Variants in DCHS2 observed in about 807,000 individuals in gnomAD.
DCHS2 encodes dachsous cadherin-related 2, also known as protocadherin-23.
In DCHS2, 142 loss-of-function variants were observed where a neutral mutation model predicts 182.4. That is an observed-to-expected ratio of 0.78 (90% CI 0.68 to 0.89). DCHS2 has a LOEUF of 0.89. Ranked by LOEUF, DCHS2 falls within the 40% of genes least tolerant of loss-of-function variation. The pLI, the probability that DCHS2 is intolerant of heterozygous loss-of-function variation, is 0.00. For synonymous variants in DCHS2, 1,740 were observed against 1,663.3 expected, an observed-to-expected ratio of 1.05 and a Z score of -1.12; for missense variants, 4,319 against 4,198.6, an observed-to-expected ratio of 1.03 and a Z score of -0.79.
chr4:154,312,811 C>G (rs767529843), intron 10 of DCHS2, among the ~76,000 whole-genome samples: 3 of 152,164 alleles, frequency 2.0e-5, no homozygotes, highest in Admixed American at 6.5e-5. Flanking sequence ...AAATAAGTCA[C>G]CTTCTAAAGG....
chr4:154,319,265 A>G (rs1464372554), intron 9 of DCHS2, among the ~76,000 whole-genome samples: 1 of 152,164 alleles, frequency 6.6e-6, no homozygotes, highest in African/African-American at 2.4e-5. Context: ...ACAGAGGGGA[A>G]AGCTTTGTGA....
intron 4 of DCHS2, chr4:154,334,551 C>A: frequency 4.2e-6 from 1 of 236,784 alleles, no homozygotes; most frequent in Non-Finnish European, 8.2e-6. Context: ...GCATTTTTGT[C>A]AAAAATTTGT....
chr4:154,459,884 A>T (rs532029651), intron 1 of DCHS2, among the ~76,000 whole-genome samples: 2 of 152,170 alleles, frequency 1.3e-5, no homozygotes, highest in East Asian at 3.9e-4. Context: ...TACCCACTTA[A>T]CCCAACAAGT....
intron 3 of DCHS2, among the ~76,000 whole-genome samples, chr4:154,349,507 A>G (rs1729508614): frequency 6.6e-6 from 1 of 152,246 alleles, no homozygotes; most frequent in Non-Finnish European, 1.5e-5. Context: ...TATGATTTAC[A>G]GACTGTGTTT....
At chr4:154,295,045 C>T (rs1346941075) in intron 13 of DCHS2, among the ~76,000 whole-genome samples, 1 of 152,166 alleles carries the variant, frequency 6.6e-6, no homozygotes, top group Non-Finnish European at 1.5e-5. Flanking sequence ...AAATAAATAA[C>T]AAAACTGTCA....
Position 154,236,036 on chromosome 4 carries a change from C to G in DCHS2, c.8616G>C (p.Gly2872=). 1 of 1,613,878 alleles carries G rather than the reference C, an allele frequency of 6.2e-7. No individual in the cohort carries two copies. Among genetic ancestry groups the G allele is most frequent in the Non-Finnish European group, 8.5e-7 (1 of 1,179,958 alleles). ...TGAAAATGGGCTCAAATTCATCTATCCCTTCAATATCCACCCAGACCACTA... is the reference window on the plus strand; with the variant it reads ...TGAAAATGGGCTCAAATTCATCTATGCCTTCAATATCCACCCAGACCACTA... ...ASLVVWVDIE[G]IDEFEPIFTQ... Residue 2872 remains glycine, a synonymous_variant, in exon 20 of 20, where the codon GGG becomes GGC. Transcript: ENST00000357232.
At chr4:154,483,889 T>C (rs1011405599) in intron 1 of DCHS2, among the ~76,000 whole-genome samples, 15 of 152,196 alleles carry the variant, frequency 9.9e-5, no homozygotes, top group Admixed American at 2.6e-4. Context: ...TTCACAGCTT[T>C]AAGTATCACC....
chr4:154,485,154 G>A (rs1176024185), intron 1 of DCHS2, among the ~76,000 whole-genome samples: 1 of 151,882 alleles, frequency 6.6e-6, no homozygotes. Context: ...ATTATAGAAA[G>A]GCAAGGAGTG....
At chr4:154,397,502 T>C (rs1249021336) in intron 1 of DCHS2, among the ~76,000 whole-genome samples, 1 of 152,238 alleles carries the variant, frequency 6.6e-6, no homozygotes, top group Non-Finnish European at 1.5e-5. Context: ...AGTTCACTTA[T>C]ACTTCTCATG....
At chr4:154,302,181 A>C (rs939902618) in intron 12 of DCHS2, among the ~76,000 whole-genome samples, 3 of 152,264 alleles carry the variant, frequency 2.0e-5, no homozygotes, top group Non-Finnish European at 4.4e-5. Context: ...AATGCAAAAC[A>C]TATAACTGAA....
At chr4:154,375,193 G>GAA (rs1458262281) in intron 2 of DCHS2, among the ~76,000 whole-genome samples, 2 of 152,024 alleles carry the variant, frequency 1.3e-5, no homozygotes, top group Non-Finnish European at 2.9e-5. Flanking sequence ...AAGTAAGTAT[G>GAA]AAAGGTAAAA....
chr4:154,241,816 ATTTAT>A lies in DCHS2; in HGVS notation c.7072+821_7072+825del, dbSNP rs536659721. Reference sequence around the variant, plus strand: ...AATATGCAAAAGGCAAAACTGGAGAATTTATTTTATTTGTAGGTTGTAATATTTGT... The same window carrying A: ...AATATGCAAAAGGCAAAACTGGAGAATTTATTTGTAGGTTGTAATATTTGT... On this transcript the variant is annotated intron_variant, in intron 17 of 19. Coordinates refer to ENST00000357232, the MANE Select transcript of DCHS2 (RefSeq NM_001358235.2). 1.1e-4 allele frequency among the ~76,000 whole-genome samples: 17 copies of A among 152,278 alleles called. No individual in the cohort carries two copies. In the East Asian group the frequency reaches 2.9e-3, roughly 26 times the overall value.
chr4:154,238,159 T>TGGGGG (rs571738661), intron 19 of DCHS2, among the ~76,000 whole-genome samples: 7 of 121,660 alleles, frequency 5.8e-5, no homozygotes, highest in Admixed American at 1.8e-4. Context: ...GAAAAGACGG[T>TGGGGG]GGGGGGGTGG....
chr4:154,345,303 A>G (rs1729307529), intron 3 of DCHS2, among the ~76,000 whole-genome samples: 4 of 152,208 alleles, frequency 2.6e-5, no homozygotes, highest in African/African-American at 4.8e-5. Context: ...TCTGTCTTCC[A>G]TTATCCACTT....
chr4:154,350,900 G>T (rs1729578481), intron 3 of DCHS2, among the ~76,000 whole-genome samples: 1 of 152,158 alleles, frequency 6.6e-6, no homozygotes, highest in Admixed American at 6.5e-5. Context: ...TTACAAAAGT[G>T]CAAGGTTTCA....
intron 1 of DCHS2, among the ~76,000 whole-genome samples, chr4:154,476,447 G>T (rs1185973651): frequency 1.3e-5 from 2 of 152,346 alleles, no homozygotes; most frequent in South Asian, 4.1e-4. Flanking sequence ...TTACTGTTGT[G>T]TAATGTTTAT....
chr4:154,426,737 C>A (rs1169646133), intron 1 of DCHS2, among the ~76,000 whole-genome samples: 1 of 145,450 alleles, frequency 6.9e-6, no homozygotes, highest in East Asian at 1.9e-4. Flanking sequence ...AGTTTGAGAC[C>A]AGCCTGGGCA....
At chr4:154,278,317 C>G (rs10028050) in intron 13 of DCHS2, among the ~76,000 whole-genome samples, 2,757 of 151,950 alleles carry the variant, frequency 0.018, 69 homozygotes, top group East Asian at 0.1. Flanking sequence ...GTTAGAGGAA[C>G]AACAGCAACA....
intron 1 of DCHS2, among the ~76,000 whole-genome samples, chr4:154,456,071 CAG>C (rs1009029016): frequency 1.3e-5 from 2 of 151,286 alleles, no homozygotes; most frequent in Admixed American, 1.3e-4. Flanking sequence ...GCCTGGGCAA[CAG>C]AGCAAGACTC....
Sources: allele counts gnomAD v4.1 joint callset (sites outside exome capture counted in the v4.1 genomes callset), GRCh38; gene constraint gnomAD v4.1.1; transcripts MANE v1.5; gene names NCBI Gene and HGNC (gene_info 2026-07-23, HGNC 2026-07-21).